Variants in VDAC1 observed in about 807,000 individuals in gnomAD.
The protein encoded by VDAC1 is voltage dependent anion channel 1.
Under a neutral mutation model 34.7 loss-of-function variants are expected in VDAC1, and 10 were observed. That is an observed-to-expected ratio of 0.29 (90% confidence interval 0.18 to 0.49). The LOEUF (loss-of-function observed/expected upper bound fraction) is 0.49. VDAC1 is among the 20% of genes least tolerant of loss of function. The probability of loss-of-function intolerance (pLI) is 0.99; values close to 1 mark genes in which losing one functional copy is unlikely to be tolerated. For synonymous variants in VDAC1, 130 were observed against 136.0 expected, an observed-to-expected ratio of 0.96 and a Z score of 0.30; for missense variants, 230 against 347.9, an observed-to-expected ratio of 0.66 and a Z score of 2.69.
At chr5:134,059,620 G>A in the VDAC1 span, among the ~76,000 whole-genome samples, 4 of 151,992 alleles carry the variant, frequency 2.6e-5, no homozygotes, top group East Asian at 1.9e-4. Context: ...GCACACCCCC[G>A]AGCCATTTGG....
At chr5:134,021,102 C>A in the VDAC1 span, among the ~76,000 whole-genome samples, 1 of 152,054 alleles carries the variant, frequency 6.6e-6, no homozygotes, top group African/African-American at 2.4e-5. Flanking sequence ...CTGGGAGGAT[C>A]ACCTGAACCC....
the VDAC1 span, among the ~76,000 whole-genome samples, chr5:134,024,244 C>A: frequency 2.0e-5 from 3 of 151,920 alleles, no homozygotes; most frequent in Non-Finnish European, 2.9e-5. Flanking sequence ...AAACTGGTGG[C>A]CAGGCCGGGT....
the VDAC1 span, among the ~76,000 whole-genome samples, chr5:134,114,154 G>A: frequency 2.0e-5 from 3 of 152,322 alleles, no homozygotes; most frequent in South Asian, 6.2e-4. Context: ...GTATGCAGGC[G>A]GCCTAGAAGG....
chr5:134,020,005 C>CT, the VDAC1 span, among the ~76,000 whole-genome samples: 1 of 152,096 alleles, frequency 6.6e-6, no homozygotes, highest in Non-Finnish European at 1.5e-5. Flanking sequence ...GCAAGCGTCC[C>CT]TGCCTTTGTC....
chr5:134,065,419 C>T, the VDAC1 span, among the ~76,000 whole-genome samples: 1 of 147,850 alleles, frequency 6.8e-6, no homozygotes, highest in Non-Finnish European at 1.5e-5. Flanking sequence ...TGGCTCACTG[C>T]AACCTCTGCC....
At chr5:134,057,863 A>G in the VDAC1 span, among the ~76,000 whole-genome samples, 1 of 152,096 alleles carries the variant, frequency 6.6e-6, no homozygotes, top group Non-Finnish European at 1.5e-5. Flanking sequence ...TGATGGGCAG[A>G]CAAAAATAAA....
At chr5:134,042,096 C>T in the VDAC1 span, among the ~76,000 whole-genome samples, 18 of 152,180 alleles carry the variant, frequency 1.2e-4, no homozygotes, top group Admixed American at 2.0e-4. Flanking sequence ...GGCCAGAACC[C>T]CTTGTGGCAA....
At chr5:134,057,829 A>G in the VDAC1 span, among the ~76,000 whole-genome samples, 5 of 152,282 alleles carry the variant, frequency 3.3e-5, no homozygotes, top group Admixed American at 6.5e-5. Flanking sequence ...GGATATTTTT[A>G]GTCCTTTAAA....
chr5:134,058,993 T>C, the VDAC1 span, among the ~76,000 whole-genome samples: 1 of 152,212 alleles, frequency 6.6e-6, no homozygotes, highest in Non-Finnish European at 1.5e-5. Context: ...GCAGAGGCTA[T>C]GCACCCTGCA....
the VDAC1 span, among the ~76,000 whole-genome samples, chr5:134,086,064 C>T: frequency 3.3e-5 from 5 of 152,182 alleles, no homozygotes; most frequent in African/African-American, 7.2e-5. Context: ...GGTGTGATGG[C>T]GTGTGCCCGT....
At chr5:134,047,603 C>G in the VDAC1 span, among the ~76,000 whole-genome samples, 5 of 152,384 alleles carry the variant, frequency 3.3e-5, no homozygotes, top group Non-Finnish European at 7.3e-5. Context: ...TCCCCACTGC[C>G]ATATGCTAAG....
intron 1 of VDAC1, among the ~76,000 whole-genome samples, chr5:133,998,107 T>C (rs1753403577): frequency 6.6e-6 from 1 of 151,324 alleles, no homozygotes; most frequent in Non-Finnish European, 1.5e-5. Flanking sequence ...TAGCTAGCTA[T>C]GATACAGTTA....
At chr5:134,096,543 C>T in the VDAC1 span, among the ~76,000 whole-genome samples, 1 of 152,214 alleles carries the variant, frequency 6.6e-6, no homozygotes, top group Non-Finnish European at 1.5e-5. Flanking sequence ...GGATGATCTG[C>T]TCTCACACCC....
the VDAC1 span, among the ~76,000 whole-genome samples, chr5:134,090,656 C>A: frequency 6.6e-6 from 1 of 152,206 alleles, no homozygotes; most frequent in Non-Finnish European, 1.5e-5. Flanking sequence ...AAGGTCGCAG[C>A]CCTTGGCCTC....
At chr5:134,102,617 G>A in the VDAC1 span, among the ~76,000 whole-genome samples, 1 of 152,238 alleles carries the variant, frequency 6.6e-6, no homozygotes, top group Non-Finnish European at 1.5e-5. Context: ...GTGGTGAGCC[G>A]AGATCATGCT....
intron 1 of VDAC1, among the ~76,000 whole-genome samples, chr5:133,997,595 T>C (rs935559722): frequency 1.3e-5 from 2 of 149,880 alleles, no homozygotes; most frequent in South Asian, 2.1e-4. Flanking sequence ...ACGCCTGTAA[T>C]GCCAGCTACT....
chr5:133,977,499 C>A (rs1269168362), intron 6 of VDAC1, among the ~76,000 whole-genome samples: 3 of 152,184 alleles, frequency 2.0e-5, no homozygotes, highest in Non-Finnish European at 2.9e-5. Context: ...TTTTGGGGCC[C>A]TGCTTAAGCT....
chr5:134,000,497 G>A (rs1306132864), intron 1 of VDAC1, among the ~76,000 whole-genome samples: 1 of 152,156 alleles, frequency 6.6e-6, no homozygotes, highest in Non-Finnish European at 1.5e-5. Flanking sequence ...CATACCTGGG[G>A]CTCCTACCTG....
chr5:134,063,880 T>G, the VDAC1 span, among the ~76,000 whole-genome samples: 1 of 152,180 alleles, frequency 6.6e-6, no homozygotes, highest in Admixed American at 6.5e-5. Flanking sequence ...GTCACCAGAC[T>G]GAAGTGCAGT....
Sources: allele counts gnomAD v4.1 joint callset (sites outside exome capture counted in the v4.1 genomes callset), GRCh38; gene constraint gnomAD v4.1.1; transcripts MANE v1.5; gene names NCBI Gene and HGNC (gene_info 2026-07-23, HGNC 2026-07-21).